Variants in SIDT1 observed in about 807,000 individuals in gnomAD.
SIDT1 encodes SID1 transmembrane family, member 1.
A neutral mutation model predicts 107.5 loss-of-function variants in SIDT1; 101 were observed. The ratio of observed to expected loss-of-function variants is 0.94; its 90% CI spans 0.80 to 1.11. The LOEUF (loss-of-function observed/expected upper bound fraction) is 1.11, where lower values mean the gene tolerates loss of function less well. SIDT1 is among the 50% of genes least tolerant of loss of function. SIDT1 has a pLI of 0.00. For synonymous variants in SIDT1, 395 were observed against 398.2 expected (o/e 0.99, Z 0.10); for missense variants, 1,076 against 1,058.2 (o/e 1.02, Z -0.23).
chr3:113,610,742 G>C (rs1425126139), intron 17 of SIDT1, among the ~76,000 whole-genome samples: 1 of 152,170 alleles, frequency 6.6e-6, no homozygotes, highest in Non-Finnish European at 1.5e-5. Context: ...TTCTGTGAAA[G>C]AGGAGTTATT....
rs906642793 is a variant in SIDT1, at chr3:113,532,806, C to A, written c.-216C>A. ...CTTCTCCAGTCCGCCCTACTCTCCA[C>A]CCGTGACCTCCAGTGGAGACCCCAG... On this transcript the variant is annotated 5_prime_UTR_variant, in exon 1 of 25. Transcript: ENST00000264852. 1.5e-5 allele frequency: 6 copies of A among 397,152 alleles called. No individual in the cohort carries two copies. The allele number at this position is 397,152 out of a possible 1,614,324, so 24.6% of individuals were successfully genotyped here. A position where few individuals can be genotyped will look rare whatever the true frequency, so the allele number is the denominator to read the frequency against.
At chr3:113,551,810 G>A (rs903498991) in intron 1 of SIDT1, among the ~76,000 whole-genome samples, 2 of 144,414 alleles carry the variant, frequency 1.4e-5, no homozygotes, top group African/African-American at 2.7e-5. Flanking sequence ...GGATCCCGGG[G>A]GTAAAGTTTT....
intron 5 of SIDT1, 92 bp from the exon 6 acceptor site, chr3:113,581,269 C>A: frequency 9.6e-7 from 1 of 1,040,448 alleles, no homozygotes; most frequent in Non-Finnish European, 1.5e-6. Flanking sequence ...GCTCTGTGAT[C>A]CAAGCAGAAA....
At chr3:113,539,629 G>A (rs1036870398) in intron 1 of SIDT1, among the ~76,000 whole-genome samples, 1 of 152,140 alleles carries the variant, frequency 6.6e-6, no homozygotes, top group Non-Finnish European at 1.5e-5. Flanking sequence ...CTTAATGGAA[G>A]ATATCACATC....
the SIDT1 span, among the ~76,000 whole-genome samples, chr3:113,634,650 T>G: frequency 2.0e-5 from 3 of 150,724 alleles, no homozygotes; most frequent in African/African-American, 7.3e-5. Context: ...ACAAAAAAAA[T>G]AAAAATAGCC....
At chr3:113,597,692 G>A (rs1944671762) in intron 10 of SIDT1, among the ~76,000 whole-genome samples, 1 of 152,052 alleles carries the variant, frequency 6.6e-6, no homozygotes, top group African/African-American at 2.4e-5. Context: ...ACCATAAAAA[G>A]CAAGCGTGCA....
intron 3 of SIDT1, among the ~76,000 whole-genome samples, chr3:113,575,398 C>T (rs767550747): frequency 1.3e-4 from 20 of 152,222 alleles, no homozygotes; most frequent in Non-Finnish European, 2.5e-4. Context: ...GGGAGACACT[C>T]CCAGACTGCT....
chr3:113,636,322 G>T, the SIDT1 span, among the ~76,000 whole-genome samples: 1 of 152,150 alleles, frequency 6.6e-6, no homozygotes, highest in Non-Finnish European at 1.5e-5. Flanking sequence ...AGAATCGCTT[G>T]AACCCAGGAG....
In SIDT1 at chr3:113,612,109, G is replaced by A; in HGVS notation, c.1881G>A (p.Trp627Ter). The change falls in exon 19 of 25, where the codon TGG (tryptophan) becomes TGA (stop). Residue 627 changes from tryptophan (W) to a stop codon, truncating the protein, a stop_gained. Transcript: ENST00000264852. LOFTEE classifies it high-confidence loss of function. ...AGGTGTTTGGAAAAAATGACGTATG[G>A]TTCTGGGTCATCTTCTCTGCAATCC... ...LGVVFGKNDV[W>*]FWVIFSAIHV... is the part of the protein sequence containing the mutation. 6.2e-7 allele frequency: 1 copy of A among 1,614,012 alleles called. No individual in the cohort carries two copies. Among genetic ancestry groups the A allele is most frequent in the Non-Finnish European group, 8.5e-7 (1 of 1,179,974 alleles).
intron 1 of SIDT1, among the ~76,000 whole-genome samples, chr3:113,548,322 AC>A (rs1470946493): frequency 3.9e-5 from 6 of 152,078 alleles, no homozygotes; most frequent in South Asian, 2.1e-4. Context: ...TTGTGTATCC[AC>A]CATTATGGTA....
chr3:113,592,776 C>T (rs922629204), intron 9 of SIDT1: 7 of 438,994 alleles, frequency 1.6e-5, no homozygotes, highest in Non-Finnish European at 2.6e-5. Context: ...TTATTAGAGA[C>T]GGGGTTTCAC....
intron 5 of SIDT1, 55 bp from the exon 6 acceptor site, chr3:113,581,306 T>A: frequency 7.3e-7 from 1 of 1,378,428 alleles, no homozygotes; most frequent in Non-Finnish European, 1.0e-6. Flanking sequence ...ATGTGTGGCA[T>A]GACATTGCAT....
intron 1 of SIDT1, among the ~76,000 whole-genome samples, chr3:113,564,814 C>T (rs1941753620): frequency 6.6e-6 from 1 of 152,156 alleles, no homozygotes. Flanking sequence ...GATATGGTGG[C>T]AATTTTCAGC....
chr3:113,612,008 C>A, intron 18 of SIDT1, 78 bp from the exon 19 acceptor site: 1 of 1,009,274 alleles, frequency 9.9e-7, no homozygotes, highest in Non-Finnish European at 1.6e-6. Flanking sequence ...ACTCCTTACA[C>A]ATACAGGAGA....
chr3:113,560,072 C>T (rs1941285877), intron 1 of SIDT1, among the ~76,000 whole-genome samples: 2 of 152,110 alleles, frequency 1.3e-5, no homozygotes, highest in South Asian at 4.1e-4. Context: ...CGCTGAGTAT[C>T]CTTGGAGAGG....
chr3:113,604,046 C>T lies in SIDT1; in HGVS notation c.1337+13C>T, dbSNP rs376716201. On this transcript the variant is annotated intron_variant, in intron 13 of 24. Coordinates refer to ENST00000264852, the MANE Select transcript of SIDT1 (RefSeq NM_017699.3). ...AAATTTATTTTTGGTAAGTAGATGA[C>T]CAGTAGGACCATGGTTCCCTTAAAT... 3.1e-5 allele frequency: 48 copies of T among 1,528,826 alleles called. No homozygotes were observed. Among genetic ancestry groups the T allele is most frequent in the Admixed American group, 1.3e-4 (7 of 53,464 alleles). 94.7% of individuals were successfully genotyped at this position (1,528,826 alleles called of 1,614,324 possible).
Position 113,627,866 on chromosome 3 carries a change from T to G in SIDT1, c.*158T>G. 1 of 656,974 alleles carries G rather than the reference T, an allele frequency of 1.5e-6. No individual in the cohort carries two copies. Among genetic ancestry groups the G allele is most frequent in the Non-Finnish European group, 2.7e-6 (1 of 376,190 alleles). 40.7% of individuals were successfully genotyped at this position (656,974 alleles called of 1,614,324 possible). A position where few individuals can be genotyped will look rare whatever the true frequency, so the allele number is the denominator to read the frequency against. On this transcript the variant is annotated 3_prime_UTR_variant, in exon 25 of 25. Transcript: ENST00000264852. ...AGGAAGGAGAGGGGCTGCGGGAGAT[T>G]TAAACCTGCAAGAAAGGAGGCAGAA...
Position 113,576,892 on chromosome 3 carries a change from C to T in SIDT1, c.516-30C>T, listed in dbSNP as rs760080478. The T allele has an allele frequency of 3.1e-6, 5 of 1,611,598 alleles. No individual in the cohort carries two copies. In the South Asian group the frequency reaches 5.5e-5, roughly 18 times the overall value. ...ACTTATGCTTTTCTCTCACTTTTCC[C>T]CTTTCCCTTCTGCCACTTACGTTTC... is the stretch of plus-strand genomic sequence containing the variant. On this transcript the variant is annotated intron_variant, in intron 3 of 24. Coordinates refer to ENST00000264852, the MANE Select transcript of SIDT1 (RefSeq NM_017699.3).
At chr3:113,589,357 G>C (rs774536359) in intron 9 of SIDT1, among the ~76,000 whole-genome samples, 1 of 152,014 alleles carries the variant, frequency 6.6e-6, no homozygotes, top group Non-Finnish European at 1.5e-5. Flanking sequence ...CCAGAATCTA[G>C]TGCAAACTTG....
Sources: gnomAD v4.1 joint callset for allele counts (sites outside exome capture counted in the v4.1 genomes callset) on GRCh38, gnomAD v4.1.1 for gene constraint, MANE v1.5 for transcripts, NCBI Gene and HGNC (gene_info 2026-07-23, HGNC 2026-07-21) for gene names.